The following SLC44A5 variants were observed in gnomAD, a reference collection of about 807,000 sequenced individuals.
SLC44A5 encodes the protein choline transporter-like protein 5.
SLC44A5 carries 57 observed loss-of-function variants against 101.8 expected under a neutral mutation model. The observed-to-expected ratio is 0.56, with a 90% CI of 0.45 to 0.70. SLC44A5 has a LOEUF of 0.70. Ranked by LOEUF, SLC44A5 falls within the 30% of genes least tolerant of loss-of-function variation. SLC44A5 has a pLI of 0.00. For synonymous variants in SLC44A5, 281 were observed against 290.9 expected, an observed-to-expected ratio of 0.97 and a Z score of 0.35; for missense variants, 737 against 853.1, an observed-to-expected ratio of 0.86 and a Z score of 1.70.
At chr1:75,402,667 AC>A (rs1662568544) in intron 2 of SLC44A5, among the ~76,000 whole-genome samples, 1 of 151,982 alleles carries the variant, frequency 6.6e-6, no homozygotes, top group Non-Finnish European at 1.5e-5. Context: ...CAGATACTAC[AC>A]TTTTCCCATG....
the SLC44A5 span, among the ~76,000 whole-genome samples, chr1:75,618,279 T>C: frequency 6.6e-6 from 1 of 152,240 alleles, no homozygotes. Flanking sequence ...TGTCCTTACA[T>C]GCATTATCTC....
At chr1:75,599,162 TG>T (rs201286847) in intron 1 of SLC44A5, among the ~76,000 whole-genome samples, 1 of 149,844 alleles carries the variant, frequency 6.7e-6, no homozygotes, top group East Asian at 2.0e-4. Flanking sequence ...CTTGACATTT[TG>T]GATTAAAGGA....
intron 4 of SLC44A5, among the ~76,000 whole-genome samples, chr1:75,326,510 G>A (rs1656611355): frequency 1.3e-5 from 2 of 151,846 alleles, no homozygotes; most frequent in African/African-American, 4.8e-5. Flanking sequence ...TGATATAGGT[G>A]GTATATAAGG....
chr1:75,485,573 T>C (rs1668108937), intron 2 of SLC44A5, among the ~76,000 whole-genome samples: 1 of 152,166 alleles, frequency 6.6e-6, no homozygotes, highest in Non-Finnish European at 1.5e-5. Flanking sequence ...CATATTCCTT[T>C]CTTCTTCTGA....
chr1:75,497,063 A>G (rs151326476), intron 2 of SLC44A5, among the ~76,000 whole-genome samples: 1 of 152,256 alleles, frequency 6.6e-6, no homozygotes, highest in East Asian at 1.9e-4. Flanking sequence ...ATTATGGAAA[A>G]CAGTATGGAA....
intron 12 of SLC44A5, among the ~76,000 whole-genome samples, chr1:75,229,427 G>C (rs1400774169): frequency 1.3e-5 from 2 of 151,806 alleles, no homozygotes; most frequent in South Asian, 4.2e-4. Flanking sequence ...CCTTTACTCA[G>C]TACACCCATC....
the SLC44A5 span, among the ~76,000 whole-genome samples, chr1:75,678,212 C>A: frequency 9.2e-5 from 14 of 152,172 alleles, no homozygotes; most frequent in Admixed American, 9.2e-4. Context: ...CCCAGGCTTG[C>A]TTAGGTAAAC....
chr1:75,601,859 C>G (rs150221780), intron 1 of SLC44A5, among the ~76,000 whole-genome samples: 1 of 152,188 alleles, frequency 6.6e-6, no homozygotes, highest in African/African-American at 2.4e-5. Context: ...CTGACAATGA[C>G]AGTTCTCAAA....
chr1:75,311,782 C>T (rs1233585940), intron 4 of SLC44A5: 1 of 153,222 alleles, frequency 6.5e-6, no homozygotes, highest in Non-Finnish European at 1.4e-5. Context: ...GGGAAAAAAA[C>T]ATGATTCTAT....
intron 2 of SLC44A5, among the ~76,000 whole-genome samples, chr1:75,458,582 T>C (rs1348426668): frequency 6.6e-6 from 1 of 152,012 alleles, no homozygotes; most frequent in African/African-American, 2.4e-5. Flanking sequence ...GATAGAGTGA[T>C]GGAGATAAAC....
At chr1:75,305,278 C>G (rs964494485) in intron 4 of SLC44A5, among the ~76,000 whole-genome samples, 7 of 152,148 alleles carry the variant, frequency 4.6e-5, no homozygotes, top group African/African-American at 1.4e-4. Flanking sequence ...CCACCCCTTT[C>G]TTTCTATTGA....
rs1403797648 is a variant in SLC44A5, at chr1:75,579,968, C to T, written c.-70+31072G>A. 1.3e-5 allele frequency among the ~76,000 whole-genome samples: 2 copies of T among 151,998 alleles called. 1 individual carries two copies. The highest frequency in any genetic ancestry group is 2.9e-5 in the Non-Finnish European group (2 of 68,008). ...TTTTTGGATGTTTTTAATAATTCAG[C>T]ATGTAAGGAGCAAGCATAGTATTTT... On this transcript the variant is annotated intron_variant, in intron 1 of 23. Coordinates refer to ENST00000370859, the MANE Select transcript of SLC44A5 (RefSeq NM_001130058.2).
chr1:75,336,829 T>G (rs973410836), intron 4 of SLC44A5, among the ~76,000 whole-genome samples: 1 of 152,174 alleles, frequency 6.6e-6, no homozygotes, highest in Non-Finnish European at 1.5e-5. Flanking sequence ...AGACATGTTA[T>G]AAAAACTAAT....
the SLC44A5 span, among the ~76,000 whole-genome samples, chr1:75,652,990 G>A: frequency 3.3e-5 from 5 of 152,104 alleles, no homozygotes; most frequent in Admixed American, 3.3e-4. Flanking sequence ...AAAAGTATAT[G>A]TTGTACTGGA....
chr1:75,624,225 A>G, the SLC44A5 span, among the ~76,000 whole-genome samples: 1 of 152,184 alleles, frequency 6.6e-6, no homozygotes, highest in African/African-American at 2.4e-5. Context: ...GTGTAAGTCC[A>G]TAGTGATAGT....
intron 1 of SLC44A5, among the ~76,000 whole-genome samples, chr1:75,562,938 A>G (rs917723533): frequency 6.6e-6 from 1 of 152,116 alleles, no homozygotes; most frequent in Non-Finnish European, 1.5e-5. Flanking sequence ...TTTTACAAAA[A>G]CACTTGTATA....
chr1:75,273,882 G>C (rs765867116), intron 6 of SLC44A5, among the ~76,000 whole-genome samples: 1 of 151,968 alleles, frequency 6.6e-6, no homozygotes, highest in Non-Finnish European at 1.5e-5. Flanking sequence ...AGGGTGATAC[G>C]GGCTTCCTAG....
intron 4 of SLC44A5, among the ~76,000 whole-genome samples, chr1:75,307,262 G>A (rs1654983960): frequency 6.6e-6 from 1 of 151,524 alleles, no homozygotes; most frequent in South Asian, 2.1e-4. Context: ...GGGTACATCT[G>A]TCTACAACAT....
At chr1:75,647,795 T>C in the SLC44A5 span, among the ~76,000 whole-genome samples, 1 of 152,196 alleles carries the variant, frequency 6.6e-6, no homozygotes, top group Non-Finnish European at 1.5e-5. Context: ...TGGGAGCATT[T>C]ACCCAATGCC....
Sources: gnomAD v4.1 joint callset for allele counts (sites outside exome capture counted in the v4.1 genomes callset) on GRCh38, gnomAD v4.1.1 for gene constraint, MANE v1.5 for transcripts, NCBI Gene and HGNC (gene_info 2026-07-23, HGNC 2026-07-21) for gene names.